Variants in KANSL1 observed in about 807,000 individuals in gnomAD.
KANSL1 encodes the protein MLL1/MLL complex subunit KANSL1.
Under a neutral mutation model 103.6 loss-of-function variants are expected in KANSL1, and 22 were observed. The ratio of observed to expected loss-of-function variants is 0.21; its 90% CI spans 0.15 to 0.30. The LOEUF is 0.30. Ranked by LOEUF, KANSL1 falls within the 10% of genes least tolerant of loss-of-function variation. The pLI is 1.00. For missense variants in KANSL1, 1,337 were observed against 1,399.8 expected (o/e 0.96, Z 0.72); for synonymous variants, 600 against 527.6 (o/e 1.14, Z -1.88).
intron 3 of KANSL1, among the ~76,000 whole-genome samples, chr17:46,091,746 A>G (rs1277920799): frequency 6.6e-6 from 1 of 151,818 alleles, no homozygotes; most frequent in African/African-American, 2.4e-5. Flanking sequence ...GCTATATACC[A>G]TATTGTCTAA....
chr17:46,217,628 C>A (rs1234350453), intron 1 of KANSL1, among the ~76,000 whole-genome samples: 3 of 152,172 alleles, frequency 2.0e-5, no homozygotes, highest in African/African-American at 7.2e-5. Context: ...GTGGCTCACG[C>A]CTGTAATCCC....
chr17:46,149,578 A>G lies in KANSL1; in HGVS notation c.1289+21277T>C, dbSNP rs535617448. 1.1e-4 allele frequency among the ~76,000 whole-genome samples: 17 copies of G among 152,400 alleles called. 1 individual carries two copies. The highest frequency in any genetic ancestry group is 3.6e-4 in the African/African-American group (15 of 41,592). ...AGTGAATGAGTATGACTGTGTTCCA[A>G]TAAAACTTTACTTACAAAAACTTGC... On this transcript the variant is annotated intron_variant, in intron 2 of 14. Coordinates refer to ENST00000432791, the MANE Select transcript of KANSL1 (RefSeq NM_015443.4).
At chr17:46,114,064 GAA>G (rs769332068) in intron 2 of KANSL1, among the ~76,000 whole-genome samples, 19 of 152,098 alleles carry the variant, frequency 1.2e-4, no homozygotes, top group Non-Finnish European at 2.2e-4. Flanking sequence ...AAACTGATAA[GAA>G]AAAGATGCTC....
intron 1 of KANSL1, among the ~76,000 whole-genome samples, chr17:46,220,061 C>T (rs2048475828): frequency 6.6e-6 from 1 of 152,060 alleles, no homozygotes; most frequent in African/African-American, 2.4e-5. Flanking sequence ...CGAGATTGCG[C>T]CACTGCACTC....
At chr17:46,111,119 G>C (rs1038024400) in intron 2 of KANSL1, among the ~76,000 whole-genome samples, 3 of 152,138 alleles carry the variant, frequency 2.0e-5, no homozygotes, top group African/African-American at 7.2e-5. Flanking sequence ...TTTCTTAAGC[G>C]GTTTTAAAGA....
rs1324147964 is a variant in KANSL1, at chr17:46,033,090, G to A, written c.2827C>T (p.Arg943Trp). 5.1e-6 allele frequency: 8 copies of A among 1,583,794 alleles called. No individual in the cohort carries two copies. Among genetic ancestry groups the A allele is most frequent in the African/African-American group, 2.7e-5 (2 of 74,252 alleles). ...LWTTSVPPQR[R>W]GSRSYRSSDG... The stretch of plus-strand genomic sequence containing the variant: ...AGCCTGCCCCATCACCTGCTGCCCC[G>A]CCGCTGGGGTGGCACACTCGTGGTC... The change falls in exon 13 of 15, where the codon CGG (arginine) becomes TGG (tryptophan). Residue 943 changes from arginine (R) to tryptophan (W), a missense_variant. Transcript: ENST00000432791.
chr17:46,193,649 G>C (rs996275227), upstream of KANSL1: 5 of 312,712 alleles, frequency 1.6e-5, no homozygotes, highest in South Asian at 8.8e-5. Flanking sequence ...CATCTGCGGA[G>C]GCCGCGGCGC....
intron 2 of KANSL1, among the ~76,000 whole-genome samples, chr17:46,113,492 T>G (rs192511877): frequency 4.3e-4 from 66 of 152,314 alleles, no homozygotes; most frequent in Admixed American, 3.4e-3. Context: ...TTGTTAAAGT[T>G]AGGCATATGC....
intron 4 of KANSL1, among the ~76,000 whole-genome samples, chr17:46,077,818 A>C (rs2078838922): frequency 6.6e-6 from 1 of 152,124 alleles, no homozygotes; most frequent in Non-Finnish European, 1.5e-5. Context: ...TCGGCCTCCC[A>C]AAGTACTGGG....
intron 2 of KANSL1, among the ~76,000 whole-genome samples, chr17:46,099,622 T>C (rs2042227311): frequency 6.6e-6 from 1 of 152,252 alleles, no homozygotes; most frequent in African/African-American, 2.4e-5. Flanking sequence ...ATTCTAACAC[T>C]GATGAGTCAA....
At position 46,073,941 on chromosome 17, in the gene KANSL1, T is replaced by A. The variant is rs139394743; in HGVS notation, c.1534-6274A>T. On this transcript the variant is annotated intron_variant, in intron 4 of 14. Transcript: ENST00000432791. Reference sequence around the variant, plus strand: ...GGAAGGCTGCTGTGTTGAACTGGTATGAACTTACGGTTTTTTATATATATA... The same window carrying A: ...GGAAGGCTGCTGTGTTGAACTGGTAAGAACTTACGGTTTTTTATATATATA... Among the ~76,000 whole-genome samples the A allele has an allele frequency of 5.3e-3, 812 of 152,272 alleles. 8 individuals carry two copies. Among genetic ancestry groups the A allele is most frequent in the African/African-American group, 0.018 (734 of 41,538 alleles).
At position 46,039,708 on chromosome 17, in the gene KANSL1, T is replaced by C. The variant is rs80026189; in HGVS notation, c.2197A>G (p.Thr733Ala). 2 of 1,612,566 alleles carry C rather than the reference T, an allele frequency of 1.2e-6. No individual in the cohort carries two copies. The highest frequency in any genetic ancestry group is 1.7e-5 in the Admixed American group (1 of 59,878). The stretch of plus-strand genomic sequence containing the variant: ...CCGGCTCCCTGACACTTACTGGCTG[T>C]TGTTAGGAAGGAGCTGACCAATTTG... ...RHKLVSSFLT[T>A]AKLSHHQTRP... The change falls in exon 8 of 15, where the codon ACA becomes GCA. Residue 733 changes from threonine (T) to alanine (A), a missense_variant. Thr to Ala is a moderately conservative substitution (Grantham distance 58, BLOSUM62 0). Coordinates refer to ENST00000432791, the MANE Select transcript of KANSL1 (RefSeq NM_015443.4).
intron 1 of KANSL1, among the ~76,000 whole-genome samples, chr17:46,219,995 C>T (rs55680274): frequency 0.1 from 15,085 of 149,792 alleles, no homozygotes; most frequent in African/African-American, 0.36. Context: ...CCCAGCTACT[C>T]GGGAGGCTGA....
intron 3 of KANSL1, among the ~76,000 whole-genome samples, chr17:46,086,030 T>G (rs1229822312): frequency 6.6e-6 from 1 of 152,212 alleles, no homozygotes; most frequent in African/African-American, 2.4e-5. Context: ...AGAAAATAAA[T>G]GCATAGCAAA....
At chr17:46,147,438 G>T (rs1476722255) in intron 2 of KANSL1, among the ~76,000 whole-genome samples, 1 of 152,082 alleles carries the variant, frequency 6.6e-6, no homozygotes, top group East Asian at 1.9e-4. Context: ...GCCAGATGTG[G>T]TAGCATGCGC....
intron 2 of KANSL1, among the ~76,000 whole-genome samples, chr17:46,107,835 T>C (rs906968786): frequency 2.6e-5 from 4 of 152,224 alleles, no homozygotes; most frequent in African/African-American, 7.2e-5. Flanking sequence ...TAGATGGATC[T>C]GTTCAGGTCA....
chr17:46,185,686 C>CATAT (rs148277720), intron 1 of KANSL1, among the ~76,000 whole-genome samples: 16,564 of 93,504 alleles, frequency 0.18, 1 homozygote, highest in Admixed American at 0.27. Context: ...TATACACACA[C>CATAT]ATATATACAC....
intron 2 of KANSL1, among the ~76,000 whole-genome samples, chr17:46,165,668 G>A (rs1047409368): frequency 1.3e-5 from 2 of 151,376 alleles, no homozygotes; most frequent in Non-Finnish European, 2.9e-5. Context: ...GCACCACCAC[G>A]CCTGGCTAAT....
intron 2 of KANSL1, among the ~76,000 whole-genome samples, chr17:46,122,702 T>A (rs1289180574): frequency 6.6e-6 from 1 of 152,278 alleles, no homozygotes; most frequent in Non-Finnish European, 1.5e-5. Context: ...ACTCACTTCA[T>A]GTCCATGTGA....
Sources: gnomAD v4.1 joint callset for allele counts (sites outside exome capture counted in the v4.1 genomes callset) on GRCh38, gnomAD v4.1.1 for gene constraint, MANE v1.5 for transcripts, NCBI Gene and HGNC (gene_info 2026-07-23, HGNC 2026-07-21) for gene names.